MARK1: variants seen among roughly 807,000 people sequenced by gnomAD.
MARK1 encodes the protein microtubule affinity regulating kinase 1.
MARK1 carries 40 observed loss-of-function variants against 96.3 expected under a neutral mutation model. The ratio of observed to expected loss-of-function variants is 0.42; its 90% confidence interval spans 0.32 to 0.54. The LOEUF (loss-of-function observed/expected upper bound fraction) is 0.54, where lower values mean the gene tolerates loss of function less well. MARK1 is among the 20% of genes least tolerant of loss of function. The pLI, the probability that MARK1 is intolerant of heterozygous loss-of-function variation, is 0.16. For synonymous variants in MARK1, 317 were observed against 341.2 expected, an observed-to-expected ratio of 0.93 and a Z score of 0.78; for missense variants, 719 against 984.6, an observed-to-expected ratio of 0.73 and a Z score of 3.61.
At chr1:220,534,578 C>T (rs1202188215) in intron 1 of MARK1, among the ~76,000 whole-genome samples, 2 of 152,054 alleles carry the variant, frequency 1.3e-5, no homozygotes, top group Admixed American at 6.5e-5. Context: ...ACATAATGAC[C>T]TCCAATTTCA....
chr1:220,537,237 C>A (rs193218779), intron 1 of MARK1, among the ~76,000 whole-genome samples: 4 of 104,042 alleles, frequency 3.8e-5, no homozygotes, highest in Admixed American at 3.4e-4. Context: ...ATCCCTCCCC[C>A]CTCCCCCCAC....
At chr1:220,603,625 C>T (rs557999053) in intron 5 of MARK1, among the ~76,000 whole-genome samples, 178 of 152,096 alleles carry the variant, frequency 1.2e-3, no homozygotes, top group African/African-American at 4.2e-3. Flanking sequence ...GGAATTTTAT[C>T]CAGACTACAT....
At chr1:220,611,452 A>G (rs1157132221) in intron 6 of MARK1, among the ~76,000 whole-genome samples, 4 of 152,084 alleles carry the variant, frequency 2.6e-5, no homozygotes, top group African/African-American at 9.7e-5. Context: ...TTGGGTGGGG[A>G]GTGTCCCGTT....
intron 3 of MARK1, among the ~76,000 whole-genome samples, chr1:220,588,709 A>G (rs1393283698): frequency 3.9e-5 from 6 of 152,206 alleles, no homozygotes; most frequent in Admixed American, 1.3e-4. Context: ...AATCTGTAGG[A>G]TTCTGTTAAC....
chr1:220,529,848 A>G (rs1660191165), intron 1 of MARK1, among the ~76,000 whole-genome samples: 1 of 152,182 alleles, frequency 6.6e-6, no homozygotes, highest in African/African-American at 2.4e-5. Context: ...AACACTCAAG[A>G]CCTGTAAATA....
intron 1 of MARK1, among the ~76,000 whole-genome samples, chr1:220,547,973 C>T (rs1661614298): frequency 6.6e-6 from 1 of 152,260 alleles, no homozygotes; most frequent in Admixed American, 6.5e-5. Context: ...GATACCTGCA[C>T]TTTGCAGAAT....
chr1:220,657,796 A>G lies in MARK1; in HGVS notation c.1995A>G (p.Pro665=). Residue 665 remains proline, a synonymous_variant, in exon 17 of 18, where the codon CCA becomes CCG. Coordinates refer to ENST00000366917, the MANE Select transcript of MARK1 (RefSeq NM_018650.5). Reference sequence around the variant, plus strand: ...ACCTTCACTTTGTTTTGAGGGATCCAAGTGAAGGCGAAGCCAGTGGCAGAA... The same window carrying G: ...ACCTTCACTTTGTTTTGAGGGATCCGAGTGAAGGCGAAGCCAGTGGCAGAA... ...KITSKFVRRD[P]SEGEASGRTD... The G allele has an allele frequency of 6.3e-7, 1 of 1,577,450 alleles. No homozygotes were observed. Among genetic ancestry groups the G allele is most frequent in the South Asian group, 1.2e-5 (1 of 82,898 alleles).
intron 3 of MARK1, among the ~76,000 whole-genome samples, chr1:220,584,305 C>A (rs1052340003): frequency 6.6e-6 from 1 of 152,096 alleles, no homozygotes; most frequent in Non-Finnish European, 1.5e-5. Flanking sequence ...GTAGTAAAAT[C>A]TGTAATGAAA....
rs183229693 is a variant in MARK1 at position 220,548,560 on chromosome 1, C to T, written c.51+19687C>T. Among the ~76,000 whole-genome samples, 771 of 152,118 alleles carry T rather than the reference C, an allele frequency of 5.1e-3. 3 individuals carry two copies. Among genetic ancestry groups the T allele is most frequent in the Non-Finnish European group, 6.7e-3 (456 of 68,002 alleles). On this transcript the variant is annotated intron_variant, in intron 1 of 17. Transcript: ENST00000366917. ...TTTGAGACCAATCCGGCCAACATGG[C>T]GAAACTCCATCTCTACTGAAAATAC...
At chr1:220,533,140 A>C (rs1660439664) in intron 1 of MARK1, among the ~76,000 whole-genome samples, 1 of 152,154 alleles carries the variant, frequency 6.6e-6, no homozygotes, top group Non-Finnish European at 1.5e-5. Context: ...AGTGCCTTGC[A>C]CTTGTCCCTT....
chr1:220,635,729 A>G (rs767140400), intron 12 of MARK1, 104 bp from the exon 13 acceptor site: 1 of 1,180,886 alleles, frequency 8.5e-7, no homozygotes, highest in Non-Finnish European at 1.2e-6. Context: ...TTCAGAGTTT[A>G]AAGCATGCAA....
intron 3 of MARK1, among the ~76,000 whole-genome samples, chr1:220,586,163 A>G (rs1377309819): frequency 6.6e-6 from 1 of 152,204 alleles, no homozygotes; most frequent in East Asian, 1.9e-4. Context: ...CAAATTCATT[A>G]ACATGGTATA....
intron 9 of MARK1, among the ~76,000 whole-genome samples, chr1:220,620,209 A>T (rs73105459): frequency 0.018 from 2,747 of 152,134 alleles, 34 homozygotes; most frequent in Middle Eastern, 0.044. Flanking sequence ...TTCCCTCCTT[A>T]TGGGGTTAAA....
In MARK1 at chr1:220,528,774, C is replaced by T. The variant is rs1374399032; in HGVS notation, c.-49C>T. On this transcript the variant is annotated 5_prime_UTR_variant, in exon 1 of 18. Transcript: ENST00000366917. Reference sequence around the variant, plus strand: ...TTCCTGTCGCCCCCCGGGGCCCGCACCACAGCCCGGCCGGCGAGACCCCGG... The same window carrying T: ...TTCCTGTCGCCCCCCGGGGCCCGCATCACAGCCCGGCCGGCGAGACCCCGG... The T allele has an allele frequency of 9.1e-6, 14 of 1,537,868 alleles. No individual in the cohort carries two copies. Among genetic ancestry groups the T allele is most frequent in the Non-Finnish European group, 1.2e-5 (14 of 1,139,582 alleles).
At chr1:220,624,804 TC>T (rs1267863577) in intron 9 of MARK1, among the ~76,000 whole-genome samples, 7 of 152,320 alleles carry the variant, frequency 4.6e-5, no homozygotes, top group African/African-American at 1.7e-4. Context: ...CTCTCAGCTG[TC>T]AAATCTGCTA....
intron 5 of MARK1, among the ~76,000 whole-genome samples, chr1:220,600,892 C>CTTTTTT (rs11417176): frequency 2.8e-5 from 4 of 144,256 alleles, no homozygotes; most frequent in Non-Finnish European, 3.0e-5. Flanking sequence ...TTTTCTTTTT[C>CTTTTTT]TTTTTTTTTT....
chr1:220,545,448 T>TTC (rs1661422971), intron 1 of MARK1, among the ~76,000 whole-genome samples: 1 of 146,478 alleles, frequency 6.8e-6, no homozygotes, highest in South Asian at 2.2e-4. Context: ...GGTTTTTTTT[T>TTC]TTTTTTTTTT....
intron 11 of MARK1, among the ~76,000 whole-genome samples, chr1:220,633,816 G>A (rs1667803547): frequency 6.6e-6 from 1 of 152,220 alleles, no homozygotes; most frequent in African/African-American, 2.4e-5. Context: ...CAGATTTCAG[G>A]GGGAAGAGGG....
chr1:220,543,438 CTATT>C (rs781499716), intron 1 of MARK1, among the ~76,000 whole-genome samples: 14 of 152,092 alleles, frequency 9.2e-5, no homozygotes, highest in Non-Finnish European at 1.6e-4. Flanking sequence ...TATGCATAAT[CTATT>C]TATAAAGTAA....
Sources: gnomAD v4.1 joint callset for allele counts (sites outside exome capture counted in the v4.1 genomes callset) on GRCh38, gnomAD v4.1.1 for gene constraint, MANE v1.5 for transcripts, NCBI Gene and HGNC (gene_info 2026-07-23, HGNC 2026-07-21) for gene names.